OGDHL: variants seen among roughly 807,000 people sequenced by gnomAD.
The protein encoded by OGDHL is 2-oxoglutarate dehydrogenase-like, mitochondrial.
OGDHL carries 79 observed loss-of-function variants against 109.6 expected under a neutral mutation model. The observed-to-expected ratio is 0.72, with a 90% CI of 0.60 to 0.87. OGDHL has a LOEUF of 0.87. OGDHL is among the 40% of genes least tolerant of loss of function. The pLI is 0.00. For synonymous variants in OGDHL, 528 were observed against 537.2 expected, an observed-to-expected ratio of 0.98 and a Z score of 0.24; for missense variants, 1,275 against 1,362.2, an observed-to-expected ratio of 0.94 and a Z score of 1.01.
intron 10 of OGDHL, among the ~76,000 whole-genome samples, chr10:49,746,487 T>C (rs116113217): frequency 6.6e-6 from 1 of 152,328 alleles, no homozygotes; most frequent in African/African-American, 2.4e-5. Context: ...AGATTGCCCA[T>C]GTGGGGCTGC....
In OGDHL at chr10:49,742,007, ACAC is replaced by A. The variant is rs1326513057; in HGVS notation, c.2012+818_2012+820del. On this transcript the variant is annotated intron_variant, in intron 15 of 22. Coordinates refer to ENST00000374103, the MANE Select transcript of OGDHL (RefSeq NM_018245.3). ...CAACCACACACACCCCACAAATACC[ACAC>A]CACACATGCACCAAACATGACACAT... Among the ~76,000 whole-genome samples the A allele has an allele frequency of 1.7e-4, 16 of 91,882 alleles. No homozygotes were observed. The East Asian group carries it at 2.6e-3, about 15-fold the overall frequency. The allele number at this position is 91,882 out of a possible 152,430, so 60.3% of individuals were successfully genotyped here. A position where few individuals can be genotyped will look rare whatever the true frequency, so the allele number is the denominator to read the frequency against.
At chr10:49,745,250 T>A in intron 12 of OGDHL, 94 bp downstream of exon 12, 2 of 1,477,602 alleles carry the variant, frequency 1.4e-6, no homozygotes, top group African/African-American at 2.8e-5. Context: ...TTTAAATCCT[T>A]AGTGCCCAGC....
chr10:49,758,625 T>G, intron 1 of OGDHL, 32 bp from the exon 2 acceptor site: 1 of 1,606,446 alleles, frequency 6.2e-7, no homozygotes, highest in Non-Finnish European at 8.5e-7. Context: ...GAGGCATAAA[T>G]GGCAGGACCA....
intron 12 of OGDHL, 94 bp downstream of exon 12, chr10:49,745,250 T>G: frequency 6.8e-7 from 1 of 1,477,602 alleles, no homozygotes. Flanking sequence ...TTTAAATCCT[T>G]AGTGCCCAGC....
Position 49,751,925 on chromosome 10 carries a change from C to T in OGDHL, c.651G>A (p.Gln217=), listed in dbSNP as rs759529547. 20 of 1,614,214 alleles carry T rather than the reference C, an allele frequency of 1.2e-5. No homozygotes were observed. The highest frequency in any genetic ancestry group is 1.7e-5 in the Non-Finnish European group (20 of 1,180,030). ...LEFMFINDVE[Q]CQWIRQKFET... is the part of the protein sequence containing the mutation. The stretch of plus-strand genomic sequence containing the variant: ...CAAACTTCTGCCGGATCCACTGGCA[C>T]TGCTCCACATCGTTGATGAACATGA... The change falls in exon 6 of 23, where the codon CAG becomes CAA. Residue 217 remains glutamine (Q), a synonymous_variant. Transcript: ENST00000374103.
At chr10:49,762,001 G>A (rs982345352) in intron 1 of OGDHL, among the ~76,000 whole-genome samples, 1 of 152,200 alleles carries the variant, frequency 6.6e-6, no homozygotes, top group African/African-American at 2.4e-5. Context: ...CAGGACCCTG[G>A]ACTAGCCGGG....
chr10:49,749,666 C>G, intron 8 of OGDHL, 60 bp downstream of exon 8: 1 of 1,434,880 alleles, frequency 7.0e-7, no homozygotes, highest in South Asian at 1.3e-5. Flanking sequence ...AGCCCCTCCA[C>G]AGTCCACCTC....
intron 17 of OGDHL, 82 bp downstream of exon 17, chr10:49,739,579 C>T (rs764765073): frequency 1.1e-5 from 17 of 1,522,804 alleles, no homozygotes; most frequent in African/African-American, 5.5e-5. Context: ...CCGTCCAACC[C>T]GACAAGGGGC....
At chr10:49,735,888 C>T (rs1841122391) in intron 22 of OGDHL, 135 bp downstream of exon 22, 4 of 987,686 alleles carry the variant, frequency 4.0e-6, no homozygotes, top group East Asian at 2.7e-5. Flanking sequence ...AAAGCCAGTA[C>T]TGATGATGCC....
At chr10:49,754,676 GA>G (rs34646233) in intron 3 of OGDHL, among the ~76,000 whole-genome samples, 42,124 of 147,486 alleles carry the variant, frequency 0.29, 6,929 homozygotes, top group African/African-American at 0.47. Flanking sequence ...AGCTGATTTT[GA>G]AAAAAAAAAA....
chr10:49,737,645 T>A, intron 20 of OGDHL, 141 bp downstream of exon 20: 1 of 857,332 alleles, frequency 1.2e-6, no homozygotes, highest in Non-Finnish European at 1.9e-6. Flanking sequence ...ACCCTACTGC[T>A]AGTGGGACCA....
intron 17 of OGDHL, chr10:49,739,343 TTCC>T: frequency 3.5e-6 from 1 of 282,684 alleles, no homozygotes; most frequent in Non-Finnish European, 6.6e-6. Flanking sequence ...GTGCCTCTGT[TTCC>T]TCATCTGAAA....
chr10:49,753,198 T>C (rs905511883), intron 3 of OGDHL, among the ~76,000 whole-genome samples: 12 of 152,290 alleles, frequency 7.9e-5, no homozygotes, highest in African/African-American at 1.2e-4. Context: ...AAAGTATGTA[T>C]GGTGAACTAC....
intron 15 of OGDHL, among the ~76,000 whole-genome samples, chr10:49,742,410 C>CCA (rs1841811682): frequency 7.0e-6 from 1 of 142,116 alleles, no homozygotes; most frequent in African/African-American, 2.6e-5. Flanking sequence ...ACCACACACA[C>CCA]CATACACACA....
chr10:49,741,898 T>C (rs865946695), intron 15 of OGDHL, among the ~76,000 whole-genome samples: 55 of 98,648 alleles, frequency 5.6e-4, no homozygotes, highest in African/African-American at 1.7e-3. Context: ...ACACCACACA[T>C]ACCACACAAC....
At chr10:49,743,506 T>A (rs1370830511) in intron 14 of OGDHL, 1 of 166,292 alleles carries the variant, frequency 6.0e-6, no homozygotes, top group Non-Finnish European at 1.3e-5. Context: ...CAGGCAAAGG[T>A]CACAGTGGCC....
In OGDHL at chr10:49,746,111, G is replaced by A. The variant is rs148912775; in HGVS notation, c.1297-134C>T. ...CCAGGAGGAATGTGGGACACAACAG[G>A]GTGATGGTGAGCAGCCCCACAATTA... On this transcript the variant is annotated intron_variant, in intron 10 of 22. Coordinates refer to ENST00000374103, the MANE Select transcript of OGDHL (RefSeq NM_018245.3). 2.1e-5 allele frequency: 21 copies of A among 979,018 alleles called. No homozygotes were observed. In the African/African-American group the frequency reaches 2.3e-4, roughly 11 times the overall value. The allele number at this position is 979,018 out of a possible 1,614,324, so 60.6% of individuals were successfully genotyped here. A position where few individuals can be genotyped will look rare whatever the true frequency, so the allele number is the denominator to read the frequency against.
In OGDHL at chr10:49,746,790, T is replaced by C. The variant is rs962830556; in HGVS notation, c.1256A>G (p.Tyr419Cys). The change falls in exon 10 of 23, where the codon TAC (tyrosine) becomes TGC (cysteine). Residue 419 changes from tyrosine (Y) to cysteine (C), a missense_variant. Coordinates refer to ENST00000374103, the MANE Select transcript of OGDHL (RefSeq NM_018245.3). ...GACGTGCACGGTACCATTGGTCGTG[T>C]AGGAGGGCAGGTCGCTCAGGTGGAA... Reference protein sequence around the residue: ...ETFHLSDLPSYTTNGTVHVVV... With the variant: ...ETFHLSDLPSCTTNGTVHVVV... The C allele has an allele frequency of 1.9e-6, 3 of 1,614,122 alleles. No individual in the cohort carries two copies. The highest frequency in any genetic ancestry group is 2.5e-6 in the Non-Finnish European group (3 of 1,180,018).
At chr10:49,746,937 G>GCA in intron 9 of OGDHL, 59 bp from the exon 10 acceptor site, 1 of 1,611,860 alleles carries the variant, frequency 6.2e-7, no homozygotes, top group Non-Finnish European at 8.5e-7. Context: ...AGCCCAGCCG[G>GCA]CACCTGTACT....
Sources: allele counts gnomAD v4.1 joint callset (sites outside exome capture counted in the v4.1 genomes callset), GRCh38; gene constraint gnomAD v4.1.1; transcripts MANE v1.5; gene names NCBI Gene and HGNC (gene_info 2026-07-23, HGNC 2026-07-21).